The following ARHGAP15 variants were observed in gnomAD, a reference collection of about 807,000 sequenced individuals.
ARHGAP15 encodes Rho GTPase activating protein 15.
A neutral mutation model predicts 63.7 loss-of-function variants in ARHGAP15; 51 were observed. The observed-to-expected ratio is 0.80, with a 90% CI of 0.64 to 1.01. The LOEUF is 1.01. Among genes scored for constraint, ARHGAP15 ranks in the 50% least tolerant of loss-of-function variants. ARHGAP15 has a pLI of 0.00. For synonymous variants in ARHGAP15, 191 were observed against 193.8 expected (o/e 0.99, Z 0.12); for missense variants, 560 against 564.6 (o/e 0.99, Z 0.08).
intron 6 of ARHGAP15, among the ~76,000 whole-genome samples, chr2:143,419,805 C>T (rs181636256): frequency 4.6e-5 from 7 of 152,022 alleles, no homozygotes; most frequent in South Asian, 2.1e-4. Flanking sequence ...TTTAAGTCTT[C>T]GAGTATGCAT....
intron 6 of ARHGAP15, among the ~76,000 whole-genome samples, chr2:143,274,496 T>C (rs1216559477): frequency 6.6e-6 from 1 of 152,244 alleles, no homozygotes; most frequent in Non-Finnish European, 1.5e-5. Context: ...ACCTTTGATC[T>C]GAAATGTTCA....
At chr2:143,292,792 TATA>T (rs1184222262) in intron 6 of ARHGAP15, among the ~76,000 whole-genome samples, 2 of 152,014 alleles carry the variant, frequency 1.3e-5, no homozygotes, top group Non-Finnish European at 2.9e-5. Flanking sequence ...AAATAATTCT[TATA>T]ATAGGAATTT....
chr2:143,721,226 C>T lies in ARHGAP15; in HGVS notation c.1244+17702C>T, dbSNP rs114817953. 4.2e-3 allele frequency among the ~76,000 whole-genome samples: 646 copies of T among 152,158 alleles called. 1 individual carries two copies. The highest frequency in any genetic ancestry group is 6.9e-3 in the Non-Finnish European group (472 of 67,998). On this transcript the variant is annotated intron_variant, in intron 13 of 13. Transcript: ENST00000295095. Reference sequence around the variant, plus strand: ...AAGAAACAGGAGGAGGAAAGAGGTTCTCTGTGGCCAAGAAATCAAAGTCTG... The same window carrying T: ...AAGAAACAGGAGGAGGAAAGAGGTTTTCTGTGGCCAAGAAATCAAAGTCTG...
At chr2:143,662,131 A>C (rs1002515571) in intron 12 of ARHGAP15, among the ~76,000 whole-genome samples, 2 of 152,258 alleles carry the variant, frequency 1.3e-5, no homozygotes, top group Non-Finnish European at 1.5e-5. Flanking sequence ...ACAGACAAAC[A>C]AAAAGCAGTA....
At chr2:143,748,926 A>C (rs1686266830) in intron 13 of ARHGAP15, among the ~76,000 whole-genome samples, 1 of 152,116 alleles carries the variant, frequency 6.6e-6, no homozygotes, top group Non-Finnish European at 1.5e-5. Context: ...TTTCCCCCAA[A>C]ACATCTTGTC....
chr2:143,705,410 C>A (rs1684284137), intron 13 of ARHGAP15, among the ~76,000 whole-genome samples: 1 of 152,168 alleles, frequency 6.6e-6, no homozygotes, highest in Admixed American at 6.5e-5. Flanking sequence ...CTATGCTTTA[C>A]TCCCATTATG....
chr2:143,263,012 C>T (rs888934523), intron 6 of ARHGAP15, among the ~76,000 whole-genome samples: 5 of 152,104 alleles, frequency 3.3e-5, no homozygotes, highest in African/African-American at 1.2e-4. Flanking sequence ...CATGTAACAT[C>T]ATGTATCAAT....
chr2:143,292,792 TATAATA>T, intron 6 of ARHGAP15, among the ~76,000 whole-genome samples: 1 of 152,132 alleles, frequency 6.6e-6, no homozygotes, highest in Admixed American at 6.6e-5. Flanking sequence ...AAATAATTCT[TATAATA>T]GGAATTTTAC....
chr2:143,321,506 A>G (rs1489427596), intron 6 of ARHGAP15, among the ~76,000 whole-genome samples: 1 of 152,244 alleles, frequency 6.6e-6, no homozygotes, highest in Non-Finnish European at 1.5e-5. Flanking sequence ...GAAAGTCCTA[A>G]GAGGGCTGTT....
intron 1 of ARHGAP15, among the ~76,000 whole-genome samples, chr2:143,143,004 C>T (rs200825408): frequency 1.5e-3 from 231 of 152,158 alleles, no homozygotes; most frequent in African/African-American, 5.1e-3. Context: ...AGCAAAAATC[C>T]TATATTTCAC....
At chr2:143,336,162 C>A (rs558812551) in intron 6 of ARHGAP15, among the ~76,000 whole-genome samples, 1 of 152,162 alleles carries the variant, frequency 6.6e-6, no homozygotes, top group East Asian at 1.9e-4. Flanking sequence ...CAGCACACCG[C>A]CACACCTGGC....
At chr2:143,711,155 G>A (rs1684563632) in intron 13 of ARHGAP15, among the ~76,000 whole-genome samples, 1 of 152,138 alleles carries the variant, frequency 6.6e-6, no homozygotes, top group Admixed American at 6.5e-5. Flanking sequence ...TCATAACAAG[G>A]TACACAAGGC....
chr2:143,767,578 T>C (rs930758257), intron 13 of ARHGAP15, among the ~76,000 whole-genome samples: 2 of 152,226 alleles, frequency 1.3e-5, no homozygotes, highest in Admixed American at 1.3e-4. Flanking sequence ...TTTTTCAGGC[T>C]ACTAATTGTG....
At chr2:143,641,953 G>A (rs1680621329) in intron 12 of ARHGAP15, among the ~76,000 whole-genome samples, 2 of 152,026 alleles carry the variant, frequency 1.3e-5, no homozygotes, top group South Asian at 2.1e-4. Context: ...AGAAGTATGT[G>A]TACAAACTTA....
intron 11 of ARHGAP15, among the ~76,000 whole-genome samples, chr2:143,603,606 G>C (rs1053748045): frequency 6.6e-6 from 1 of 152,126 alleles, no homozygotes; most frequent in African/African-American, 2.4e-5. Context: ...TCTAAGATTT[G>C]AAAGGCTGTA....
At chr2:143,186,291 G>A (rs1023815221) in intron 2 of ARHGAP15, among the ~76,000 whole-genome samples, 1 of 152,204 alleles carries the variant, frequency 6.6e-6, no homozygotes, top group South Asian at 2.1e-4. Context: ...TTTGCACTAT[G>A]AAAATTTTAC....
chr2:143,169,441 G>T (rs569780748), intron 2 of ARHGAP15, among the ~76,000 whole-genome samples: 1 of 152,038 alleles, frequency 6.6e-6, no homozygotes, highest in African/African-American at 2.4e-5. Flanking sequence ...AAACTGAGTT[G>T]TCATGCAGAT....
At chr2:143,761,824 T>C (rs1049905214) in intron 13 of ARHGAP15, among the ~76,000 whole-genome samples, 2 of 152,164 alleles carry the variant, frequency 1.3e-5, no homozygotes, top group East Asian at 3.8e-4. Context: ...CATTTGGGCC[T>C]GACAAAAGGT....
At chr2:143,151,831 A>C (rs2581261) in intron 1 of ARHGAP15, among the ~76,000 whole-genome samples, 102,964 of 150,938 alleles carry the variant, frequency 0.68, 35,728 homozygotes, top group East Asian at 0.92. Context: ...GCCCTGTCTA[A>C]TTGGAATGAG....
Sources: allele counts gnomAD v4.1 joint callset (sites outside exome capture counted in the v4.1 genomes callset), GRCh38; gene constraint gnomAD v4.1.1; transcripts MANE v1.5; gene names NCBI Gene and HGNC (gene_info 2026-07-23, HGNC 2026-07-21).